The following ZFAT variants were observed in gnomAD, a reference collection of about 807,000 sequenced individuals.
ZFAT encodes zinc finger protein ZFAT.
In ZFAT, 64 loss-of-function variants were observed where a neutral mutation model predicts 117.7. That is an observed-to-expected ratio of 0.54 (90% confidence interval 0.44 to 0.67). The LOEUF (loss-of-function observed/expected upper bound fraction) is 0.67. Among genes scored for constraint, ZFAT ranks in the 30% least tolerant of loss-of-function variants. The probability of loss-of-function intolerance (pLI) is 0.00; values close to 1 mark genes in which losing one functional copy is unlikely to be tolerated. For missense variants in ZFAT, 1,433 were observed against 1,584.5 expected, an observed-to-expected ratio of 0.90 and a Z score of 1.62; for synonymous variants, 679 against 615.0, an observed-to-expected ratio of 1.10 and a Z score of -1.54.
At chr8:134,610,393 A>C in intron 4 of ZFAT, 77 bp downstream of exon 4, 28 of 1,470,064 alleles carry the variant, frequency 1.9e-5, no homozygotes, top group Non-Finnish European at 2.5e-5. Flanking sequence ...GTTCTGACTC[A>C]GACTGTGACA....
At chr8:134,557,334 TA>T (rs1823718994) in intron 11 of ZFAT, among the ~76,000 whole-genome samples, 1 of 152,198 alleles carries the variant, frequency 6.6e-6, no homozygotes, top group Admixed American at 6.5e-5. Flanking sequence ...GAGAAGCTGT[TA>T]AATCCAAACA....
chr8:134,746,774 T>TA, the ZFAT span, among the ~76,000 whole-genome samples: 315 of 152,330 alleles, frequency 2.1e-3, 2 homozygotes, highest in Middle Eastern at 6.8e-3. Context: ...AGTTGAAGAG[T>TA]AGAGTTATTT....
chr8:134,713,047 C>T (rs539326929), upstream of ZFAT: 8 of 644,890 alleles, frequency 1.2e-5, no homozygotes, highest in Admixed American at 3.0e-4. Context: ...CTTCGCCCTC[C>T]TCCCCACGGG....
At chr8:134,685,123 T>G (rs1020617346) in intron 1 of ZFAT, among the ~76,000 whole-genome samples, 8 of 152,154 alleles carry the variant, frequency 5.3e-5, no homozygotes, top group African/African-American at 1.7e-4. Context: ...CTCCCTGCTG[T>G]CCTGTGAAAC....
At chr8:134,518,991 T>C (rs1005497852) in intron 13 of ZFAT, among the ~76,000 whole-genome samples, 13 of 152,214 alleles carry the variant, frequency 8.5e-5, no homozygotes, top group Non-Finnish European at 2.9e-5. Flanking sequence ...TTCTGTTCGA[T>C]TCCATTAAAC....
At chr8:134,615,162 G>A (rs902655108) in intron 3 of ZFAT, among the ~76,000 whole-genome samples, 4 of 152,060 alleles carry the variant, frequency 2.6e-5, no homozygotes, top group African/African-American at 9.7e-5. Flanking sequence ...TGGCCCAAAC[G>A]TGACTCTGGC....
At chr8:134,680,871 A>G (rs1186198556) in intron 1 of ZFAT, among the ~76,000 whole-genome samples, 1 of 152,212 alleles carries the variant, frequency 6.6e-6, no homozygotes, top group African/African-American at 2.4e-5. Flanking sequence ...AATGTAAACC[A>G]CTTTTGGGTA....
chr8:134,501,619 T>A (rs1160854061), intron 15 of ZFAT, among the ~76,000 whole-genome samples: 1 of 152,126 alleles, frequency 6.6e-6, no homozygotes, highest in African/African-American at 2.4e-5. Flanking sequence ...GCTATTGTAA[T>A]GTACCACACA....
At chr8:134,503,683 C>A (rs751216230) in intron 15 of ZFAT, among the ~76,000 whole-genome samples, 3 of 152,174 alleles carry the variant, frequency 2.0e-5, no homozygotes, top group Admixed American at 2.0e-4. Context: ...AGGTGACCCT[C>A]CCCTTTTGAA....
chr8:134,778,371 A>G, the ZFAT span, among the ~76,000 whole-genome samples: 4 of 152,200 alleles, frequency 2.6e-5, no homozygotes, highest in Non-Finnish European at 5.9e-5. Flanking sequence ...CTTAGCCCAC[A>G]GACAAATCCC....
At chr8:134,738,884 G>T in the ZFAT span, among the ~76,000 whole-genome samples, 1 of 152,196 alleles carries the variant, frequency 6.6e-6, no homozygotes, top group Non-Finnish European at 1.5e-5. Context: ...TGGGGAGAAG[G>T]TAAGACAAGG....
chr8:134,816,468 G>A, the ZFAT span, among the ~76,000 whole-genome samples: 3 of 150,414 alleles, frequency 2.0e-5, no homozygotes, highest in African/African-American at 7.3e-5. Flanking sequence ...TCTGTCAGAT[G>A]ATTCCAGTAA....
chr8:134,734,929 C>A, the ZFAT span, among the ~76,000 whole-genome samples: 2 of 152,180 alleles, frequency 1.3e-5, no homozygotes, highest in African/African-American at 2.4e-5. Context: ...TCCACACTTG[C>A]TGCTCCGTTC....
intron 12 of ZFAT, among the ~76,000 whole-genome samples, chr8:134,521,892 A>G (rs1197325269): frequency 6.6e-6 from 1 of 152,180 alleles, no homozygotes; most frequent in African/African-American, 2.4e-5. Flanking sequence ...AACATCCCCA[A>G]CACCACAGCT....
At chr8:134,716,749 T>A (rs879271375), upstream of ZFAT, among the ~76,000 whole-genome samples, 1 of 152,206 alleles carries the variant, frequency 6.6e-6, no homozygotes, top group African/African-American at 2.4e-5. Context: ...TGATAAAAAG[T>A]TAACATTGTA....
intron 8 of ZFAT, 60 bp downstream of exon 8, chr8:134,590,208 T>C: frequency 7.3e-7 from 1 of 1,366,428 alleles, no homozygotes; most frequent in South Asian, 1.2e-5. Flanking sequence ...AAAACATTGT[T>C]TTAAAATAAA....
chr8:134,744,808 C>T, the ZFAT span, among the ~76,000 whole-genome samples: 1 of 141,362 alleles, frequency 7.1e-6, no homozygotes, highest in East Asian at 2.1e-4. Context: ...CGGCTCACTG[C>T]AACTTCCACC....
At chr8:134,821,445 G>T in the ZFAT span, among the ~76,000 whole-genome samples, 2 of 151,894 alleles carry the variant, frequency 1.3e-5, no homozygotes, top group Non-Finnish European at 2.9e-5. Context: ...AGTCAGTTCA[G>T]TTCTGGCCAC....
At chr8:134,504,259 C>A (rs1186449316) in intron 15 of ZFAT, among the ~76,000 whole-genome samples, 2 of 152,160 alleles carry the variant, frequency 1.3e-5, no homozygotes, top group East Asian at 3.9e-4. Context: ...CCCCACAATG[C>A]CCTAGCACCC....
Sources: gnomAD v4.1 joint callset for allele counts (sites outside exome capture counted in the v4.1 genomes callset) on GRCh38, gnomAD v4.1.1 for gene constraint, MANE v1.5 for transcripts, NCBI Gene and HGNC (gene_info 2026-07-23, HGNC 2026-07-21) for gene names.